PDE4D: variants seen among roughly 807,000 people sequenced by gnomAD.
PDE4D encodes 3',5'-cyclic-AMP phosphodiesterase 4D.
In PDE4D, 24 loss-of-function variants were observed where a neutral mutation model predicts 87.4. That is an observed-to-expected ratio of 0.27 (90% CI 0.20 to 0.39). The LOEUF (loss-of-function observed/expected upper bound fraction) is 0.39, where lower values mean the gene tolerates loss of function less well. Ranked by LOEUF, PDE4D falls within the 10% of genes least tolerant of loss-of-function variation. The pLI is 1.00. For missense variants in PDE4D, 714 were observed against 1,041.0 expected, an observed-to-expected ratio of 0.69 and a Z score of 4.32; for synonymous variants, 384 against 383.2, an observed-to-expected ratio of 1.00 and a Z score of -0.02.
intron 3 of PDE4D, among the ~76,000 whole-genome samples, chr5:59,982,026 A>C (rs1761980445): frequency 6.6e-6 from 1 of 152,232 alleles, no homozygotes; most frequent in African/African-American, 2.4e-5. Context: ...AATAGCACAC[A>C]AATCAAGGAA....
At chr5:59,701,335 T>C (rs1373229014) in intron 1 of PDE4D, among the ~76,000 whole-genome samples, 3 of 152,190 alleles carry the variant, frequency 2.0e-5, no homozygotes, top group Admixed American at 6.5e-5. Context: ...CCTGATAATC[T>C]ACGTAAATAT....
At chr5:59,347,754 T>C in intron 1 of PDE4D, among the ~76,000 whole-genome samples, 1 of 152,092 alleles carries the variant, frequency 6.6e-6, no homozygotes, top group East Asian at 1.9e-4. Flanking sequence ...ATTTTTATAA[T>C]AACAAAGAAG....
chr5:58,974,728 A>T lies in PDE4D; in HGVS notation c.2366T>A (p.Val789Glu), dbSNP rs1186516969. The T allele has an allele frequency of 1.2e-6, 2 of 1,612,846 alleles. No individual in the cohort carries two copies. The highest frequency in any genetic ancestry group is 1.7e-6 in the Non-Finnish European group (2 of 1,179,284). Residue 789 changes from valine to glutamate, a missense_variant, in exon 15 of 15, where the codon GTA becomes GAA. Physicochemically the swap from Val to Glu is moderately radical, Grantham distance 121 (BLOSUM62 -2). This residue lies in a region of PDE4D where 90 missense variants were observed against 95.3 expected (regional missense o/e 0.94). Transcript: ENST00000340635. ...AGGCTGGCTTTCCTCTTCTTCCCCT[A>T]CTGCCTCCTCTTCAACCTGTTCATC... ...PLDEQVEEEA[V>E]GEEEESQPEA...
chr5:59,029,197 G>C (rs1756811815), intron 6 of PDE4D, among the ~76,000 whole-genome samples: 1 of 151,544 alleles, frequency 6.6e-6, no homozygotes, highest in Non-Finnish European at 1.5e-5. Flanking sequence ...CAGATCATGA[G>C]GTCAGGAGAT....
intron 2 of PDE4D, among the ~76,000 whole-genome samples, chr5:59,211,771 A>G (rs1459799673): frequency 6.6e-6 from 1 of 152,188 alleles, no homozygotes; most frequent in East Asian, 1.9e-4. Context: ...TATTACTACC[A>G]TCTTTATCTG....
At chr5:59,139,194 A>G (rs757167276) in intron 5 of PDE4D, among the ~76,000 whole-genome samples, 1 of 152,188 alleles carries the variant, frequency 6.6e-6, no homozygotes, top group Non-Finnish European at 1.5e-5. Flanking sequence ...GGAAAGGCAA[A>G]AGACAGGACA....
At chr5:59,741,171 A>G (rs1024213927) in intron 1 of PDE4D, among the ~76,000 whole-genome samples, 2 of 152,150 alleles carry the variant, frequency 1.3e-5, no homozygotes, top group Non-Finnish European at 2.9e-5. Context: ...AACTACATCA[A>G]ACAATTTGTG....
chr5:59,634,501 G>A (rs1311248629), intron 1 of PDE4D, among the ~76,000 whole-genome samples: 1 of 152,066 alleles, frequency 6.6e-6, no homozygotes, highest in East Asian at 1.9e-4. Flanking sequence ...ACACTCCTCA[G>A]CAAATGCAAA....
chr5:59,816,442 A>C (rs569327973), intron 1 of PDE4D, among the ~76,000 whole-genome samples: 1 of 152,220 alleles, frequency 6.6e-6, no homozygotes, highest in East Asian at 1.9e-4. Flanking sequence ...TGGGAAAAAA[A>C]ATGAATGAGA....
chr5:59,172,215 T>C (rs1480658093), intron 5 of PDE4D, among the ~76,000 whole-genome samples: 1 of 103,722 alleles, frequency 9.6e-6, no homozygotes, highest in Non-Finnish European at 1.8e-5. Flanking sequence ...GTATATAATA[T>C]ATAATAAATA....
chr5:60,176,375 T>C (rs751567636), intron 2 of PDE4D, among the ~76,000 whole-genome samples: 10 of 152,010 alleles, frequency 6.6e-5, no homozygotes, highest in Non-Finnish European at 1.0e-4. Flanking sequence ...GAATAGGTAG[T>C]TTGTATAGAT....
chr5:59,563,187 T>C (rs1037983301), intron 1 of PDE4D, among the ~76,000 whole-genome samples: 2 of 152,158 alleles, frequency 1.3e-5, no homozygotes, highest in African/African-American at 4.8e-5. Context: ...GCTGAGCAGA[T>C]GATCTCAGCA....
At chr5:59,768,693 GA>G in intron 1 of PDE4D, 1 of 1,420,772 alleles carries the variant, frequency 7.0e-7, no homozygotes, top group South Asian at 1.4e-5. Flanking sequence ...CTCCTCCGCG[GA>G]AGCGTATTAA....
intron 1 of PDE4D, among the ~76,000 whole-genome samples, chr5:60,317,813 A>T (rs1203808989): frequency 2.0e-5 from 3 of 152,204 alleles, no homozygotes; most frequent in Non-Finnish European, 4.4e-5. Context: ...TGAGTTTCTT[A>T]ATCCTGAGTT....
At chr5:60,174,745 G>A (rs889548353) in intron 2 of PDE4D, among the ~76,000 whole-genome samples, 1 of 151,728 alleles carries the variant, frequency 6.6e-6, no homozygotes, top group Non-Finnish European at 1.5e-5. Flanking sequence ...TTTTCTTCTT[G>A]CTCACAACAT....
intron 1 of PDE4D, among the ~76,000 whole-genome samples, chr5:59,262,383 T>C (rs997299869): frequency 1.3e-5 from 2 of 152,004 alleles, no homozygotes; most frequent in Non-Finnish European, 2.9e-5. Context: ...AAAATGTTTC[T>C]GTACAATACT....
chr5:60,332,276 T>C (rs77188376), intron 1 of PDE4D, among the ~76,000 whole-genome samples: 1 of 152,208 alleles, frequency 6.6e-6, no homozygotes, highest in Non-Finnish European at 1.5e-5. Flanking sequence ...CTATTGATCC[T>C]GTTGTCCAGA....
At chr5:60,253,638 C>T (rs1003774929) in intron 1 of PDE4D, among the ~76,000 whole-genome samples, 1 of 151,838 alleles carries the variant, frequency 6.6e-6, no homozygotes, top group African/African-American at 2.4e-5. Flanking sequence ...ACCAGCCTAA[C>T]AAAAGAATCC....
At chr5:59,193,724 T>C (rs1744824261) in intron 2 of PDE4D, 188 bp from the exon 3 acceptor site, 1 of 985,364 alleles carries the variant, frequency 1.0e-6, no homozygotes, top group Non-Finnish European at 1.2e-6. Flanking sequence ...ATGTTAACAA[T>C]TGTCCAACTC....
Sources: allele counts gnomAD v4.1 joint callset (sites outside exome capture counted in the v4.1 genomes callset), GRCh38; gene constraint gnomAD v4.1.1; regional missense constraint gnomAD v4.1.1; transcripts MANE v1.5; gene names NCBI Gene and HGNC (gene_info 2026-07-23, HGNC 2026-07-21).